The following ERGIC1 variants were observed in gnomAD, a reference collection of about 807,000 sequenced individuals.
The protein encoded by ERGIC1 is endoplasmic reticulum-Golgi intermediate compartment protein 1.
ERGIC1 carries 19 observed loss-of-function variants against 38.3 expected under a neutral mutation model. The observed-to-expected ratio is 0.50, with a 90% CI of 0.35 to 0.73. ERGIC1 has a LOEUF of 0.73. Among genes scored for constraint, ERGIC1 ranks in the 30% least tolerant of loss-of-function variants. The pLI is 0.01. For synonymous variants in ERGIC1, 124 were observed against 157.6 expected (o/e 0.79, Z 1.60); for missense variants, 294 against 389.2 (o/e 0.76, Z 2.06).
chr5:172,897,871 G>C (rs1054634981), intron 3 of ERGIC1: 1 of 413,992 alleles, frequency 2.4e-6, no homozygotes. Context: ...CAGGCTTCCT[G>C]GCAGTGGCTG....
In ERGIC1 at chr5:172,901,247, G is replaced by C. The variant is rs186721863; in HGVS notation, c.155+4173G>C. On this transcript the variant is annotated intron_variant, in intron 3 of 9. Coordinates refer to ENST00000393784, the MANE Select transcript of ERGIC1 (RefSeq NM_001031711.3). ...TATTCTGGCCTGGGCCTGGTGGGGG[G>C]TGAGGGGGAGGCACATTTGTTTGGG... is the stretch of plus-strand genomic sequence containing the variant. Among the ~76,000 whole-genome samples, 633 of 152,316 alleles carry C rather than the reference G, an allele frequency of 4.2e-3. 5 individuals carry two copies. Among genetic ancestry groups the C allele is most frequent in the African/African-American group, 0.014 (581 of 41,556 alleles).
intron 1 of ERGIC1, among the ~76,000 whole-genome samples, chr5:172,843,252 T>C (rs4867693): frequency 0.22 from 34,022 of 152,118 alleles, 4,163 homozygotes; most frequent in East Asian, 0.38. Flanking sequence ...TTTGCAAATG[T>C]TTTCTTCCAT....
chr5:172,834,321 G>A lies in ERGIC1; in HGVS notation c.-93G>A, dbSNP rs1760973837. 8.8e-7 allele frequency: 1 copy of A among 1,138,494 alleles called. No individual in the cohort carries two copies. The highest frequency in any genetic ancestry group is 1.1e-6 in the Non-Finnish European group (1 of 921,856). 70.5% of individuals were successfully genotyped at this position (1,138,494 alleles called of 1,614,324 possible). A position where few individuals can be genotyped will look rare whatever the true frequency, so the allele number is the denominator to read the frequency against. ...GTCAGGGGGGCGGCCGGCGGGGGCG[G>A]GGCGGCCGGAGGAGGCGTTGGCAGC... On this transcript the variant is annotated 5_prime_UTR_variant, in exon 1 of 10. Coordinates refer to ENST00000393784, the MANE Select transcript of ERGIC1 (RefSeq NM_001031711.3). This position sits in a 1 kb window ranked among gnomAD's most constrained non-coding sequence, Gnocchi z 4.1.
intron 1 of ERGIC1, among the ~76,000 whole-genome samples, chr5:172,887,970 A>G (rs901005517): frequency 2.0e-5 from 3 of 152,374 alleles, no homozygotes; most frequent in East Asian, 1.9e-4. Context: ...GCATCGTCAC[A>G]TAACTCGAGC....
At chr5:172,885,124 AATTTTT>A (rs932619310) in intron 1 of ERGIC1, among the ~76,000 whole-genome samples, 2 of 151,844 alleles carry the variant, frequency 1.3e-5, no homozygotes, top group African/African-American at 4.8e-5. Flanking sequence ...TTTATTTTTT[AATTTTT>A]ATTTTATGTA....
At chr5:172,899,073 A>G (rs1762805303) in intron 3 of ERGIC1, among the ~76,000 whole-genome samples, 1 of 152,188 alleles carries the variant, frequency 6.6e-6, no homozygotes, top group African/African-American at 2.4e-5. Flanking sequence ...GCAAGGTGAC[A>G]GAGGCACACA....
At chr5:172,940,382 G>A (rs1254732974) in intron 9 of ERGIC1, among the ~76,000 whole-genome samples, 1 of 152,136 alleles carries the variant, frequency 6.6e-6, no homozygotes, top group Non-Finnish European at 1.5e-5. Context: ...AACAGATTGT[G>A]TTTGACGACA....
At position 172,928,452 on chromosome 5, in the gene ERGIC1, G is replaced by A. The variant is rs1763702042; in HGVS notation, c.541+1883G>A. ...TTGGCATTAAGGTCTCAGTTCAAACGCCACCGTCTCCAAGAAGCCCTCACT... is the reference window on the plus strand; with the variant it reads ...TTGGCATTAAGGTCTCAGTTCAAACACCACCGTCTCCAAGAAGCCCTCACT... On this transcript the variant is annotated intron_variant, in intron 7 of 9. Coordinates refer to ENST00000393784, the MANE Select transcript of ERGIC1 (RefSeq NM_001031711.3). 2.6e-5 allele frequency among the ~76,000 whole-genome samples: 4 copies of A among 152,262 alleles called. No individual in the cohort carries two copies. In the South Asian group the frequency reaches 6.2e-4, roughly 24 times the overall value.
chr5:172,911,958 C>T (rs1763219113), intron 4 of ERGIC1, among the ~76,000 whole-genome samples: 1 of 152,074 alleles, frequency 6.6e-6, no homozygotes, highest in South Asian at 2.1e-4. Context: ...CCTACCCCTA[C>T]ATGTGTGTGC....
chr5:172,915,986 CT>C, intron 5 of ERGIC1: 1 of 204,516 alleles, frequency 4.9e-6, no homozygotes, highest in African/African-American at 2.3e-5. Context: ...AGATTTCTGG[CT>C]TTTAAAAGTC....
chr5:172,892,180 A>AAG (rs1467732014), intron 2 of ERGIC1, among the ~76,000 whole-genome samples: 1 of 151,506 alleles, frequency 6.6e-6, no homozygotes, highest in Non-Finnish European at 1.5e-5. Flanking sequence ...TTCCTTACAC[A>AAG]AGAGGAAAGG....
At chr5:172,893,539 G>A (rs1359397298) in intron 2 of ERGIC1, among the ~76,000 whole-genome samples, 4 of 151,996 alleles carry the variant, frequency 2.6e-5, no homozygotes, top group Non-Finnish European at 4.4e-5. Context: ...TGAAATGTGG[G>A]TCCTATATGA....
intron 2 of ERGIC1, among the ~76,000 whole-genome samples, chr5:172,892,108 A>G (rs1266141307): frequency 6.8e-6 from 1 of 147,962 alleles, no homozygotes; most frequent in Non-Finnish European, 1.5e-5. Context: ...GGTCCTGCCA[A>G]AGGGCCCTCC....
chr5:172,947,547 G>A (rs1764151030), intron 9 of ERGIC1, among the ~76,000 whole-genome samples: 1 of 152,190 alleles, frequency 6.6e-6, no homozygotes, highest in Non-Finnish European at 1.5e-5. Flanking sequence ...CAAGTGAACA[G>A]TGACCAGCCC....
chr5:172,857,703 G>A lies in ERGIC1; in HGVS notation c.20+23270G>A, dbSNP rs187387163. The stretch of plus-strand genomic sequence containing the variant: ...GGAACCCCTCCTCCTGGGGTCTCAC[G>A]TGGCCCCAGGACCCCAGGCACCCCT... On this transcript the variant is annotated intron_variant, in intron 1 of 9. Coordinates refer to ENST00000393784, the MANE Select transcript of ERGIC1 (RefSeq NM_001031711.3). Among the ~76,000 whole-genome samples the A allele has an allele frequency of 5.4e-4, 81 of 150,348 alleles. 1 individual carries two copies. The East Asian group carries it at 0.013, about 24-fold the overall frequency.
chr5:172,915,707 C>T, intron 5 of ERGIC1: 1 of 459,650 alleles, frequency 2.2e-6, no homozygotes, highest in Non-Finnish European at 4.6e-6. Context: ...ATGCTGGGGC[C>T]CAGAGAGGTT....
intron 4 of ERGIC1, among the ~76,000 whole-genome samples, chr5:172,910,070 G>A (rs1168211192): frequency 6.6e-6 from 1 of 152,136 alleles, no homozygotes; most frequent in African/African-American, 2.4e-5. Context: ...CTTGTTGAGG[G>A]GAGGAAGCTG....
intron 3 of ERGIC1, among the ~76,000 whole-genome samples, chr5:172,906,783 A>T (rs879579936): frequency 4.6e-5 from 7 of 152,150 alleles, no homozygotes; most frequent in Non-Finnish European, 1.0e-4. Context: ...CACCTGAAGC[A>T]CTGCCCCTTC....
chr5:172,928,807 T>C (rs1190095684), intron 7 of ERGIC1, among the ~76,000 whole-genome samples: 1 of 152,154 alleles, frequency 6.6e-6, no homozygotes, highest in Non-Finnish European at 1.5e-5. Context: ...CTTGGGAAAG[T>C]CATTTAACTC....
Sources: gnomAD v4.1 joint callset for allele counts (sites outside exome capture counted in the v4.1 genomes callset) on GRCh38, gnomAD v4.1.1 for gene constraint, Gnocchi (gnomAD v3.1) non-coding constraint, MANE v1.5 for transcripts, NCBI Gene and HGNC (gene_info 2026-07-23, HGNC 2026-07-21) for gene names.